The following RAB11FIP4 variants were observed in gnomAD, a reference collection of about 807,000 sequenced individuals.
The protein encoded by RAB11FIP4 is RAB11 family interacting protein 4, also known as rab11 family-interacting protein 4.
RAB11FIP4 carries 23 observed loss-of-function variants against 74.3 expected under a neutral mutation model. The observed-to-expected ratio is 0.31, with a 90% confidence interval of 0.22 to 0.44. The LOEUF (loss-of-function observed/expected upper bound fraction) is 0.44. RAB11FIP4 is among the 20% of genes least tolerant of loss of function. The pLI is 1.00. For missense variants in RAB11FIP4, 630 were observed against 863.9 expected (o/e 0.73, Z 3.39); for synonymous variants, 360 against 359.9 (o/e 1.00, Z 0.00).
At chr17:31,506,287 T>A (rs1468154002) in intron 3 of RAB11FIP4, among the ~76,000 whole-genome samples, 1 of 152,206 alleles carries the variant, frequency 6.6e-6, no homozygotes, top group African/African-American at 2.4e-5. Context: ...TTGTACATAT[T>A]TAGAGAGTAC....
At chr17:31,529,289 G>C (rs921111233) in intron 13 of RAB11FIP4, among the ~76,000 whole-genome samples, 22 of 151,924 alleles carry the variant, frequency 1.4e-4, no homozygotes, top group African/African-American at 4.6e-4. Context: ...TTTGAGGCAG[G>C]GTCTCACTGT....
chr17:31,425,631 G>T (rs997807980), intron 1 of RAB11FIP4, among the ~76,000 whole-genome samples: 1 of 152,166 alleles, frequency 6.6e-6, no homozygotes, highest in Admixed American at 6.5e-5. Context: ...AGAAGGGGAA[G>T]CCTGGTAATT....
chr17:31,505,503 ATT>A (rs1567681139), intron 3 of RAB11FIP4, among the ~76,000 whole-genome samples: 1 of 62,798 alleles, frequency 1.6e-5, no homozygotes, highest in Non-Finnish European at 3.2e-5. Context: ...TAATTATTAT[ATT>A]ATATATAATA....
At chr17:31,394,858 A>G (rs894045875) in intron 1 of RAB11FIP4, among the ~76,000 whole-genome samples, 3 of 130,538 alleles carry the variant, frequency 2.3e-5, no homozygotes, top group Non-Finnish European at 4.6e-5. Context: ...TATATTTTGC[A>G]TCTCTACTCA....
chr17:31,400,921 C>T (rs554165689), intron 1 of RAB11FIP4, among the ~76,000 whole-genome samples: 294 of 152,248 alleles, frequency 1.9e-3, no homozygotes, highest in Non-Finnish European at 3.5e-3. Context: ...CATCTCATTG[C>T]CCACAACAAA....
At position 31,536,901 on chromosome 17, in the gene RAB11FIP4, C is replaced by T. The variant is rs758120680; in HGVS notation, c.*5169C>T. 4.5e-5 allele frequency: 18 copies of T among 398,402 alleles called. No homozygotes were observed. Among genetic ancestry groups the T allele is most frequent in the Middle Eastern group, 6.2e-4 (1 of 1,610 alleles). 24.7% of individuals were successfully genotyped at this position (398,402 alleles called of 1,614,324 possible). A position where few individuals can be genotyped will look rare whatever the true frequency, so the allele number is the denominator to read the frequency against. ...GTATAATGTCACCATGCTCACCAGG[C>T]GAGGTTTCCCATATGACCTCCCTGC... On this transcript the variant is annotated 3_prime_UTR_variant, in exon 15 of 15. Coordinates refer to ENST00000621161, the MANE Select transcript of RAB11FIP4 (RefSeq NM_032932.6).
intron 3 of RAB11FIP4, among the ~76,000 whole-genome samples, chr17:31,469,650 A>AT (rs1431917415): frequency 6.9e-6 from 1 of 144,584 alleles, no homozygotes; most frequent in Non-Finnish European, 1.5e-5. Flanking sequence ...AAAAAAAAAA[A>AT]GCGAGACTAT....
chr17:31,517,195 G>A (rs867256362), intron 3 of RAB11FIP4, among the ~76,000 whole-genome samples: 863 of 62,082 alleles, frequency 0.014, 19 homozygotes, highest in African/African-American at 0.058. Context: ...GCGGTGCGGG[G>A]GGGGGGGCGG....
intron 3 of RAB11FIP4, among the ~76,000 whole-genome samples, chr17:31,503,717 C>T (rs1214457273): frequency 2.0e-5 from 3 of 149,792 alleles, no homozygotes; most frequent in African/African-American, 7.7e-5. Context: ...GACTGCTCGT[C>T]GTTCTGTTCT....
chr17:31,522,281 TG>T, intron 6 of RAB11FIP4, 78 bp from the exon 7 acceptor site: 1 of 1,453,900 alleles, frequency 6.9e-7, no homozygotes, highest in Non-Finnish European at 9.6e-7. Flanking sequence ...TCCTGCACTG[TG>T]GTGTCTTACA....
At chr17:31,411,365 AAAAC>A (rs577147175) in intron 1 of RAB11FIP4, among the ~76,000 whole-genome samples, 7 of 152,124 alleles carry the variant, frequency 4.6e-5, no homozygotes, top group East Asian at 1.9e-4. Context: ...TTCCATCTCA[AAAAC>A]AAACAAACAA....
At chr17:31,517,560 T>C in intron 3 of RAB11FIP4, 91 bp from the exon 4 acceptor site, 1 of 1,248,642 alleles carries the variant, frequency 8.0e-7, no homozygotes, top group South Asian at 1.3e-5. Flanking sequence ...CCCTGCTGTT[T>C]TGGCCTGGCT....
chr17:31,453,682 G>A (rs2071548340), intron 3 of RAB11FIP4, among the ~76,000 whole-genome samples: 1 of 151,026 alleles, frequency 6.6e-6, no homozygotes, highest in African/African-American at 2.4e-5. Context: ...AAAATTAGCT[G>A]GGCGTGGTGG....
At chr17:31,405,430 C>T (rs2071033602) in intron 1 of RAB11FIP4, among the ~76,000 whole-genome samples, 2 of 151,902 alleles carry the variant, frequency 1.3e-5, no homozygotes, top group Non-Finnish European at 2.9e-5. Context: ...AGTGCAGTGG[C>T]GTGATCTCGG....
chr17:31,487,920 G>A, intron 3 of RAB11FIP4: 1 of 501,930 alleles, frequency 2.0e-6, no homozygotes, highest in Non-Finnish European at 2.6e-6. Context: ...CCTGGGCCCC[G>A]CCCCGCGGCT....
intron 1 of RAB11FIP4, among the ~76,000 whole-genome samples, chr17:31,421,263 A>G (rs895245257): frequency 6.6e-6 from 1 of 151,740 alleles, no homozygotes; most frequent in African/African-American, 2.4e-5. Context: ...TCTGTTGCCC[A>G]GGCTGAAGTG....
chr17:31,425,758 C>A (rs1443161984), intron 1 of RAB11FIP4, among the ~76,000 whole-genome samples: 1 of 152,216 alleles, frequency 6.6e-6, no homozygotes, highest in African/African-American at 2.4e-5. Flanking sequence ...TTCTGCAATG[C>A]CTGCCAGGCC....
At chr17:31,453,323 T>A (rs2071543222) in intron 3 of RAB11FIP4, among the ~76,000 whole-genome samples, 2 of 124,054 alleles carry the variant, frequency 1.6e-5, no homozygotes, top group Admixed American at 2.2e-4. Context: ...ACGACTGCAC[T>A]CCAGCCTGTA....
In RAB11FIP4 at chr17:31,523,513, C is replaced by A; in HGVS notation, c.931C>A (p.Gln311Lys). The part of the protein sequence containing the change: ...RKISSTAFGR[Q>K]LMHSSNFSSS... ...GACACCCTCCTCCCACCCCTGCAGG[C>A]AGCTCATGCACAGCAGCAACTTCAG... Residue 311 changes from glutamine (Q) to lysine (K), a missense_variant and splice_region_variant, in exon 8 of 15, where the codon CAG (glutamine) becomes AAG (lysine). Coordinates refer to ENST00000621161, the MANE Select transcript of RAB11FIP4 (RefSeq NM_032932.6). 6.2e-7 allele frequency: 1 copy of A among 1,613,446 alleles called. No individual in the cohort carries two copies. Among genetic ancestry groups the A allele is most frequent in the Non-Finnish European group, 8.5e-7 (1 of 1,179,450 alleles).
Sources: gnomAD v4.1 joint callset for allele counts (sites outside exome capture counted in the v4.1 genomes callset) on GRCh38, gnomAD v4.1.1 for gene constraint, MANE v1.5 for transcripts, NCBI Gene and HGNC (gene_info 2026-07-23, HGNC 2026-07-21) for gene names.